The following TSC22D1 variants were observed in gnomAD, a reference collection of about 807,000 sequenced individuals.
The protein encoded by TSC22D1 is TSC22 domain family protein 1.
In TSC22D1, 9 loss-of-function variants were observed where a neutral mutation model predicts 74.2. The observed-to-expected ratio is 0.12, with a 90% CI of 0.07 to 0.21. The LOEUF (loss-of-function observed/expected upper bound fraction) is 0.21, where lower values mean the gene tolerates loss of function less well. TSC22D1 is among the 10% of genes least tolerant of loss of function. TSC22D1 has a pLI of 1.00. For synonymous variants in TSC22D1, 586 were observed against 492.5 expected, an observed-to-expected ratio of 1.19 and a Z score of -2.51; for missense variants, 1,427 against 1,304.7, an observed-to-expected ratio of 1.09 and a Z score of -1.44.
chr13:44,533,477 A>T (rs2138070894), intron 1 of TSC22D1, among the ~76,000 whole-genome samples: 1 of 151,442 alleles, frequency 6.6e-6, no homozygotes, highest in Non-Finnish European at 1.5e-5. Flanking sequence ...TAAAAAAAAA[A>T]AAAAAGGCAT....
At chr13:44,551,394 GT>G (rs1566169569) in intron 1 of TSC22D1, among the ~76,000 whole-genome samples, 1,526 of 109,570 alleles carry the variant, frequency 0.014, 47 homozygotes, top group African/African-American at 0.06. Flanking sequence ...AGATGGGTGT[GT>G]GTGTGTGTGT....
intron 1 of TSC22D1, among the ~76,000 whole-genome samples, chr13:44,571,405 G>C (rs1010481025): frequency 3.3e-5 from 5 of 152,100 alleles, no homozygotes; most frequent in Non-Finnish European, 4.4e-5. Flanking sequence ...TTAATTGCCT[G>C]GAAGGGCAAG....
chr13:44,573,873 C>T lies in TSC22D1; in HGVS notation c.2202G>A (p.Gln734=). ...PTGSQIANIG[Q]QANIPTAVQQ... ...GCACTGCAGTAGGTATGTTTGCTTGCTGACCAATATTTGCAATCTGACTGC... is the reference window on the plus strand; with the variant it reads ...GCACTGCAGTAGGTATGTTTGCTTGTTGACCAATATTTGCAATCTGACTGC... Residue 734 remains glutamine, a synonymous_variant, in exon 1 of 3, where the codon CAG becomes CAA. Coordinates refer to ENST00000458659, the MANE Select transcript of TSC22D1 (RefSeq NM_183422.4). 6.2e-7 allele frequency: 1 copy of T among 1,614,232 alleles called. No individual in the cohort carries two copies. The highest frequency in any genetic ancestry group is 1.3e-5 in the African/African-American group (1 of 75,064).
chr13:44,574,081 G>A lies in TSC22D1; in HGVS notation c.1994C>T (p.Thr665Ile), dbSNP rs1453838544. Residue 665 changes from threonine (T) to isoleucine (I), a missense_variant, in exon 1 of 3, where the codon ACA becomes ATA. Physicochemically the swap from Thr to Ile is moderately conservative, Grantham distance 89. Transcript: ENST00000458659. ...EYVQQQPILQ[T>I]AMSSGQPSSA... The stretch of plus-strand genomic sequence containing the variant: ...ACTGGGCTGTCCGGAGGACATTGCT[G>A]TTTGAAGAATTGGCTGCTGTTGTAC... 1.2e-6 allele frequency: 2 copies of A among 1,614,134 alleles called. No homozygotes were observed. Among genetic ancestry groups the A allele is most frequent in the Non-Finnish European group, 1.7e-6 (2 of 1,180,060 alleles).
intron 1 of TSC22D1, among the ~76,000 whole-genome samples, chr13:44,555,998 T>C (rs1882611018): frequency 6.6e-6 from 1 of 152,102 alleles, no homozygotes; most frequent in Non-Finnish European, 1.5e-5. Flanking sequence ...TGGCTTTCAG[T>C]CACTTTTGGC....
At chr13:44,526,882 G>A (rs1265088104) in intron 1 of TSC22D1, among the ~76,000 whole-genome samples, 2 of 152,074 alleles carry the variant, frequency 1.3e-5, no homozygotes, top group African/African-American at 4.8e-5. Flanking sequence ...TCTACACTTA[G>A]GCATGTCATA....
chr13:44,497,011 T>G lies in TSC22D1; in HGVS notation c.2913-60916A>C, dbSNP rs533879469. ...CTGTGCTATATATATATATAGCAGT[T>G]TCTCAAAAAATTAAACATGGAATTA... is the stretch of plus-strand genomic sequence containing the variant. On this transcript the variant is annotated intron_variant, in intron 1 of 2. Transcript: ENST00000458659. Among the ~76,000 whole-genome samples the G allele has an allele frequency of 4.6e-5, 7 of 152,216 alleles. No homozygotes were observed. In the South Asian group the frequency reaches 1.5e-3, roughly 32 times the overall value.
chr13:44,515,447 T>C (rs1879935715), intron 1 of TSC22D1, among the ~76,000 whole-genome samples: 1 of 148,238 alleles, frequency 6.7e-6, no homozygotes. Flanking sequence ...AAAAAAATCT[T>C]TTTTTTTTTT....
At chr13:44,438,598 TA>T (rs1200393460) in intron 1 of TSC22D1, among the ~76,000 whole-genome samples, 5 of 152,232 alleles carry the variant, frequency 3.3e-5, no homozygotes, top group Admixed American at 2.6e-4. Flanking sequence ...GAAAGGTTCA[TA>T]TTCTCCAAAT....
At position 44,574,538 on chromosome 13, in the gene TSC22D1, G is replaced by C; in HGVS notation, c.1537C>G (p.Gln513Glu). The C allele has an allele frequency of 6.2e-7, 1 of 1,614,044 alleles. No individual in the cohort carries two copies. Among genetic ancestry groups the C allele is most frequent in the South Asian group, 1.1e-5 (1 of 91,080 alleles). Residue 513 changes from glutamine to glutamate, a missense_variant, in exon 1 of 3, where the codon CAA becomes GAA. Gln to Glu is a conservative substitution (Grantham distance 29, BLOSUM62 2). This residue lies in a region of TSC22D1 where 1,343 missense variants were observed against 1,191.5 expected (regional missense o/e 1.13). Coordinates refer to ENST00000458659, the MANE Select transcript of TSC22D1 (RefSeq NM_183422.4). ...QQQQQQQPAL[Q>E]GVTLQQMDFG... ...TCCATCTGTTGGAGGGTCACACCTT[G>C]GAGAGCTGGTTGTTGCTGTTGTTGT...
intron 1 of TSC22D1, among the ~76,000 whole-genome samples, chr13:44,516,697 T>C (rs1309694479): frequency 6.6e-6 from 1 of 152,164 alleles, no homozygotes; most frequent in Non-Finnish European, 1.5e-5. Flanking sequence ...CCATCAAGAA[T>C]CCATTAAGCA....
In TSC22D1 at chr13:44,482,567, G is replaced by A. The variant is rs1476385887; in HGVS notation, c.2913-46472C>T. Among the ~76,000 whole-genome samples the A allele has an allele frequency of 6.6e-5, 10 of 152,196 alleles. No homozygotes were observed. In the East Asian group the frequency reaches 1.5e-3, roughly 24 times the overall value. On this transcript the variant is annotated intron_variant, in intron 1 of 2. Transcript: ENST00000458659. ...ACAAAACAAAACAAAAAACTCAGTA[G>A]AGAGGTTAAATAACCTCAAGTTACA...
intron 1 of TSC22D1, among the ~76,000 whole-genome samples, chr13:44,565,238 C>G (rs1266660329): frequency 1.3e-5 from 2 of 152,076 alleles, no homozygotes; most frequent in African/African-American, 4.8e-5. Context: ...AAAGAAGACT[C>G]AGAAAACCTA....
intron 1 of TSC22D1, among the ~76,000 whole-genome samples, chr13:44,504,342 T>G (rs993297730): frequency 6.6e-6 from 1 of 151,788 alleles, no homozygotes. Context: ...GTGGGCCCAG[T>G]AGCTCATGCC....
chr13:44,576,033 A>AGCGGCG lies in TSC22D1; in HGVS notation c.36_41dup (p.Ala14_Ala15dup). On this transcript the variant is annotated inframe_insertion, in exon 1 of 3. Coordinates refer to ENST00000458659, the MANE Select transcript of TSC22D1 (RefSeq NM_183422.4). ...CCATCTTCCTAGCGCTAATGTCTGC[A>AGCGGCG]GCGGCGGCGGCCGCGGCGGTGGACT... 1.3e-6 allele frequency: 2 copies of AGCGGCG among 1,579,550 alleles called. No homozygotes were observed. The highest frequency in any genetic ancestry group is 1.7e-6 in the Non-Finnish European group (2 of 1,163,790).
At chr13:44,558,480 C>T (rs888642031) in intron 1 of TSC22D1, among the ~76,000 whole-genome samples, 2 of 152,156 alleles carry the variant, frequency 1.3e-5, no homozygotes, top group African/African-American at 4.8e-5. Context: ...TGGCTCATGC[C>T]TGTAATCCCA....
chr13:44,568,779 A>G (rs1686155020), intron 1 of TSC22D1, among the ~76,000 whole-genome samples: 1 of 152,234 alleles, frequency 6.6e-6, no homozygotes, highest in Non-Finnish European at 1.5e-5. Flanking sequence ...AGGGTGGGGA[A>G]AGGAGGGGCA....
chr13:44,468,857 A>T (rs866893822), intron 1 of TSC22D1, among the ~76,000 whole-genome samples: 2 of 142,552 alleles, frequency 1.4e-5, no homozygotes, highest in Non-Finnish European at 3.2e-5. Flanking sequence ...TTCTAACAAA[A>T]ATAGAAATTT....
chr13:44,575,854 G>A lies in TSC22D1; in HGVS notation c.221C>T (p.Thr74Met), dbSNP rs1448622144. 5 of 1,614,132 alleles carry A rather than the reference G, an allele frequency of 3.1e-6. No homozygotes were observed. The highest frequency in any genetic ancestry group is 4.5e-5 in the East Asian group (2 of 44,884). ...TGGAGGCGGAGGCTGTGGTCCCGAC[G>A]TAGAAGATGCTGCAGGGGGCGGCGG... ...LQPPPPAASSTSGPQPPPPQS... is the reference protein window; with the variant it reads ...LQPPPPAASSMSGPQPPPPQS... Residue 74 changes from threonine to methionine, a missense_variant, in exon 1 of 3, where the codon ACG becomes ATG. Physicochemically the swap from Thr to Met is moderately conservative, Grantham distance 81. Transcript: ENST00000458659.
Sources: gnomAD v4.1 joint callset for allele counts (sites outside exome capture counted in the v4.1 genomes callset) on GRCh38, gnomAD v4.1.1 for gene constraint, gnomAD v4.1.1 regional missense constraint, MANE v1.5 for transcripts, NCBI Gene and HGNC (gene_info 2026-07-23, HGNC 2026-07-21) for gene names.